SPATA31G1: variants seen among roughly 807,000 people sequenced by gnomAD.
SPATA31G1 encodes the protein SPATA31 subfamily G member 1.
chr9:35,044,644 A>G, the SPATA31G1 span: 1 of 1,614,176 alleles, frequency 6.2e-7, no homozygotes, highest in South Asian at 1.1e-5. Context: ...CCTGACGGGG[A>G]GGCAGTGGAG....
the SPATA31G1 span, chr9:35,044,996 C>T: frequency 1.2e-6 from 2 of 1,614,114 alleles, no homozygotes; most frequent in Admixed American, 1.7e-5. Context: ...AGCTGAAACT[C>T]AGGCTGAAGA....
chr9:35,044,433 C>T, the SPATA31G1 span: 8 of 1,614,020 alleles, frequency 5.0e-6, no homozygotes, highest in Non-Finnish European at 3.4e-6. Context: ...GGCCTCTAAG[C>T]ACCCAGCTTG....
chr9:35,043,037 A>C, the SPATA31G1 span: 18 of 1,613,768 alleles, frequency 1.1e-5, no homozygotes, highest in Admixed American at 3.0e-4. Context: ...CTCCAGCCCC[A>C]CCCCAGCCAT....
the SPATA31G1 span, chr9:35,043,590 G>A: frequency 6.2e-7 from 1 of 1,614,190 alleles, no homozygotes; most frequent in Non-Finnish European, 8.5e-7. Context: ...CCCTGGATAT[G>A]AGACTCATTT....
the SPATA31G1 span, chr9:35,044,955 C>A: frequency 6.2e-7 from 1 of 1,614,176 alleles, no homozygotes; most frequent in Non-Finnish European, 8.5e-7. Context: ...GCTCACCCAT[C>A]CTGGGATCCA....
At chr9:35,044,646 G>A in the SPATA31G1 span, 1 of 1,614,190 alleles carries the variant, frequency 6.2e-7, no homozygotes, top group Non-Finnish European at 8.5e-7. Flanking sequence ...TGACGGGGAG[G>A]CAGTGGAGCA....
chr9:35,042,793 T>C, the SPATA31G1 span: 1 of 1,554,068 alleles, frequency 6.4e-7, no homozygotes, highest in Non-Finnish European at 8.7e-7. Context: ...GCAGACTGAG[T>C]GCCTCATAGC....
chr9:35,044,658 A>G, the SPATA31G1 span: 2 of 1,614,124 alleles, frequency 1.2e-6, no homozygotes, highest in Non-Finnish European at 1.7e-6. Context: ...AGTGGAGCAA[A>G]GAAAGAACCA....
chr9:35,045,522 T>C, the SPATA31G1 span: 1 of 1,613,902 alleles, frequency 6.2e-7, no homozygotes, highest in Non-Finnish European at 8.5e-7. Flanking sequence ...AAGGTTGGGG[T>C]TATCCACAGT....
the SPATA31G1 span, chr9:35,045,327 T>C: frequency 3.7e-6 from 6 of 1,613,780 alleles, no homozygotes; most frequent in South Asian, 1.1e-5. Flanking sequence ...CCAGGTCCCA[T>C]CCCAAGGGCC....
chr9:35,042,010 G>A, the SPATA31G1 span: 4 of 536,768 alleles, frequency 7.5e-6, no homozygotes, highest in Non-Finnish European at 1.3e-5. Context: ...ATTTGAATAA[G>A]GCAGTTCGGT....
chr9:35,045,439 C>T, the SPATA31G1 span: 1 of 1,614,130 alleles, frequency 6.2e-7, no homozygotes, highest in Admixed American at 1.7e-5. Context: ...GACAAGGCTT[C>T]AGCCTCATCC....
chr9:35,043,833 A>T, the SPATA31G1 span: 17 of 1,613,950 alleles, frequency 1.1e-5, no homozygotes, highest in East Asian at 8.9e-5. Flanking sequence ...CCAGAGAGAG[A>T]GTTCCCTGGA....
the SPATA31G1 span, chr9:35,043,301 T>C: frequency 3.1e-6 from 5 of 1,614,208 alleles, no homozygotes; most frequent in South Asian, 2.2e-5. Flanking sequence ...AGTGGTCTGT[T>C]TGTTCTTCTG....
chr9:35,044,804 C>T, the SPATA31G1 span: 1 of 1,614,174 alleles, frequency 6.2e-7, no homozygotes, highest in South Asian at 1.1e-5. Context: ...CAGTGGATCC[C>T]CTACACCCAG....
the SPATA31G1 span, chr9:35,043,406 TA>T: frequency 6.2e-7 from 1 of 1,614,200 alleles, no homozygotes; most frequent in Non-Finnish European, 8.5e-7. Flanking sequence ...GGGCCCATAC[TA>T]TGGAAGATCT....
At chr9:35,042,703 T>G in the SPATA31G1 span, 1 of 1,168,618 alleles carries the variant, frequency 8.6e-7, no homozygotes, top group Non-Finnish European at 1.2e-6. Flanking sequence ...GTAATGACCA[T>G]TAACACTAGA....
At chr9:35,043,757 GA>G in the SPATA31G1 span, 3 of 1,614,080 alleles carry the variant, frequency 1.9e-6, no homozygotes, top group Non-Finnish European at 2.5e-6. Flanking sequence ...GATACAGAGA[GA>G]AACCTCAGGC....
chr9:35,041,758 A>G, the SPATA31G1 span: 1 of 155,616 alleles, frequency 6.4e-6, no homozygotes, highest in South Asian at 1.9e-4. Context: ...CTGTGGTCCC[A>G]GCTACTCAGG....
Sources: allele counts gnomAD v4.1 joint callset, GRCh38; gene constraint gnomAD v4.1.1; transcripts MANE v1.5; gene names NCBI Gene and HGNC (gene_info 2026-07-23, HGNC 2026-07-21).